ANO5: variants seen among roughly 807,000 people sequenced by gnomAD.
ANO5 encodes anoctamin-5.
Under a neutral mutation model 121.0 loss-of-function variants are expected in ANO5, and 109 were observed. The observed-to-expected ratio is 0.90, with a 90% confidence interval of 0.77 to 1.06. The LOEUF is 1.06. ANO5 is among the 50% of genes least tolerant of loss of function. The probability of loss-of-function intolerance (pLI) is 0.00; values close to 1 mark genes in which losing one functional copy is unlikely to be tolerated. For missense variants in ANO5, 1,064 were observed against 1,078.5 expected, an observed-to-expected ratio of 0.99 and a Z score of 0.19; for synonymous variants, 406 against 359.9, an observed-to-expected ratio of 1.13 and a Z score of -1.45.
intron 5 of ANO5, among the ~76,000 whole-genome samples, chr11:22,223,200 A>G (rs1852712270): frequency 5.3e-5 from 8 of 152,018 alleles, no homozygotes; most frequent in Admixed American, 5.3e-4. Context: ...CATTAGAAGG[A>G]ATCACAGGAC....
intron 6 of ANO5, 99 bp downstream of exon 6, chr11:22,226,151 A>C (rs1431131310): frequency 1.0e-6 from 1 of 957,516 alleles, no homozygotes; most frequent in African/African-American, 1.6e-5. Context: ...TGGGGGCAAT[A>C]CAATAGCTCT....
At chr11:22,199,352 C>A (rs1796408236) in intron 1 of ANO5, among the ~76,000 whole-genome samples, 1 of 152,102 alleles carries the variant, frequency 6.6e-6, no homozygotes, top group Non-Finnish European at 1.5e-5. Flanking sequence ...CTTATGACAG[C>A]TGAGAGCTTT....
intron 13 of ANO5, among the ~76,000 whole-genome samples, chr11:22,256,892 AAC>A (rs1854018475): frequency 6.6e-6 from 1 of 151,206 alleles, no homozygotes; most frequent in African/African-American, 2.4e-5. Flanking sequence ...TGCACACATG[AAC>A]ACACATGTAC....
chr11:22,246,335 C>G (rs1022690800), intron 9 of ANO5, among the ~76,000 whole-genome samples: 3 of 152,020 alleles, frequency 2.0e-5, no homozygotes, highest in African/African-American at 4.8e-5. Flanking sequence ...TTACATTTTT[C>G]CCCTATAATT....
chr11:22,195,239 T>A (rs373803444), intron 1 of ANO5, among the ~76,000 whole-genome samples: 22 of 152,332 alleles, frequency 1.4e-4, no homozygotes, highest in East Asian at 1.2e-3. Flanking sequence ...TGGAGAAGTG[T>A]CTATTCAGAT....
At chr11:22,246,663 C>T (rs1371286730) in intron 9 of ANO5, among the ~76,000 whole-genome samples, 1 of 151,454 alleles carries the variant, frequency 6.6e-6, no homozygotes, top group East Asian at 1.9e-4. Flanking sequence ...ATGGTGAAAC[C>T]CCGTTTCTAC....
At chr11:22,257,790 A>T in intron 14 of ANO5, 36 bp downstream of exon 14, 1 of 1,534,702 alleles carries the variant, frequency 6.5e-7, no homozygotes, top group Non-Finnish European at 9.0e-7. Context: ...TAATTTCTTC[A>T]ACAGGTGATT....
At chr11:22,260,305 C>T (rs1430289795) in intron 15 of ANO5, among the ~76,000 whole-genome samples, 2 of 152,174 alleles carry the variant, frequency 1.3e-5, no homozygotes, top group African/African-American at 4.8e-5. Flanking sequence ...TAGAGCAGCA[C>T]AGAGCACAGT....
intron 9 of ANO5, among the ~76,000 whole-genome samples, chr11:22,246,268 G>A (rs1443933317): frequency 1.3e-5 from 2 of 152,100 alleles, no homozygotes; most frequent in Non-Finnish European, 2.9e-5. Context: ...AGGGCATTTA[G>A]TTAAACTTTT....
In ANO5 at chr11:22,259,728, G is replaced by A; in HGVS notation, c.1617G>A (p.Trp539Ter). The A allele has an allele frequency of 6.2e-7, 1 of 1,612,568 alleles. No individual in the cohort carries two copies. The highest frequency in any genetic ancestry group is 1.3e-5 in the African/African-American group (1 of 74,944). Residue 539 changes from tryptophan (W) to a stop codon, truncating the protein, a stop_gained, in exon 15 of 22, where the codon TGG becomes TGA. Transcript: ENST00000324559. LOFTEE classifies it high-confidence loss of function. ...TCTTTTATGAAAAGATATCTGCCTGGATCACAAAAATGGGTAAGCTGGCCA... is the reference window on the plus strand; with the variant it reads ...TCTTTTATGAAAAGATATCTGCCTGAATCACAAAAATGGGTAAGCTGGCCA... Reference protein sequence around the residue: ...LNFFYEKISAWITKMEIPRTY... With the variant: ...LNFFYEKISA
intron 7 of ANO5, among the ~76,000 whole-genome samples, chr11:22,230,439 A>G (rs186488758): frequency 4.6e-5 from 7 of 152,142 alleles, no homozygotes; most frequent in African/African-American, 1.7e-4. Flanking sequence ...TTTTTGTCAA[A>G]TAATATTTTA....
intron 7 of ANO5, among the ~76,000 whole-genome samples, chr11:22,235,430 A>T (rs1212673505): frequency 6.6e-6 from 1 of 152,136 alleles, no homozygotes; most frequent in African/African-American, 2.4e-5. Context: ...TTAGATGATG[A>T]TGATTCAAGA....
At chr11:22,255,224 T>C (rs1222532115) in intron 12 of ANO5, 147 bp from the exon 13 acceptor site, 1 of 588,064 alleles carries the variant, frequency 1.7e-6, no homozygotes, top group Non-Finnish European at 2.8e-6. Flanking sequence ...ACACTAATAA[T>C]TGATGAAGTT....
intron 6 of ANO5, 54 bp downstream of exon 6, chr11:22,226,106 C>G: frequency 7.0e-7 from 1 of 1,423,472 alleles, no homozygotes; most frequent in Non-Finnish European, 9.9e-7. Context: ...GTTGTTTTCT[C>G]CTACTCTGGC....
At chr11:22,219,495 CA>C (rs1436613257) in intron 4 of ANO5, among the ~76,000 whole-genome samples, 31 of 151,942 alleles carry the variant, frequency 2.0e-4, no homozygotes, top group Admixed American at 1.2e-3. Context: ...CAAAAAACAA[CA>C]AAAAACCCCT....
In ANO5 at chr11:22,226,158, C is replaced by T. The variant is rs1852825750; in HGVS notation, c.363+106C>T. 5.6e-6 allele frequency: 5 copies of T among 886,544 alleles called. No homozygotes were observed. The South Asian group carries it at 5.8e-5, about 10-fold the overall frequency. The allele number at this position is 886,544 out of a possible 1,614,324, so 54.9% of individuals were successfully genotyped here. A position where few individuals can be genotyped will look rare whatever the true frequency, so the allele number is the denominator to read the frequency against. On this transcript the variant is annotated intron_variant, in intron 6 of 21. Coordinates refer to ENST00000324559, the MANE Select transcript of ANO5 (RefSeq NM_213599.3). ...TCTGTGTTTGGGGGCAATACAATAG[C>T]TCTTTTGGCTACAGATATGTGCACC...
chr11:22,251,450 C>T (rs1004744959), intron 12 of ANO5, among the ~76,000 whole-genome samples: 1 of 152,188 alleles, frequency 6.6e-6, no homozygotes, highest in African/African-American at 2.4e-5. Flanking sequence ...CACTTCCACA[C>T]TCATTCATTA....
chr11:22,257,811 T>A (rs1319675362), intron 14 of ANO5, 57 bp downstream of exon 14: 10 of 1,417,062 alleles, frequency 7.1e-6, no homozygotes, highest in Non-Finnish European at 9.9e-6. Flanking sequence ...AAATGAGCTA[T>A]CTCAACAGTG....
At chr11:22,223,108 A>C (rs1852707785) in intron 5 of ANO5, among the ~76,000 whole-genome samples, 1 of 151,946 alleles carries the variant, frequency 6.6e-6, no homozygotes, top group Non-Finnish European at 1.5e-5. Context: ...CCTAAAGCCA[A>C]CTGCTCCACT....
Sources: gnomAD v4.1 joint callset for allele counts (sites outside exome capture counted in the v4.1 genomes callset) on GRCh38, gnomAD v4.1.1 for gene constraint, MANE v1.5 for transcripts, NCBI Gene and HGNC (gene_info 2026-07-23, HGNC 2026-07-21) for gene names.